The following ADGRL3 variants were observed in gnomAD, a reference collection of about 807,000 sequenced individuals.
ADGRL3 encodes calcium-independent alpha-latrotoxin receptor 3.
A neutral mutation model predicts 153.5 loss-of-function variants in ADGRL3; 62 were observed. That is an observed-to-expected ratio of 0.40 (90% CI 0.33 to 0.50). The LOEUF (loss-of-function observed/expected upper bound fraction) is 0.50, where lower values mean the gene tolerates loss of function less well. Among genes scored for constraint, ADGRL3 ranks in the 20% least tolerant of loss-of-function variants. The pLI, the probability that ADGRL3 is intolerant of heterozygous loss-of-function variation, is 0.47. For synonymous variants in ADGRL3, 710 were observed against 672.5 expected, an observed-to-expected ratio of 1.06 and a Z score of -0.86; for missense variants, 1,641 against 1,859.4, an observed-to-expected ratio of 0.88 and a Z score of 2.16.
chr4:61,460,942 C>T (rs565524549), intron 2 of ADGRL3, among the ~76,000 whole-genome samples: 69 of 152,154 alleles, frequency 4.5e-4, no homozygotes, highest in African/African-American at 1.6e-3. Flanking sequence ...CGGTGGCAGG[C>T]ACCTGTAATC....
At chr4:61,352,922 A>G (rs1259633543) in intron 1 of ADGRL3, among the ~76,000 whole-genome samples, 1 of 152,190 alleles carries the variant, frequency 6.6e-6, no homozygotes, top group African/African-American at 2.4e-5. Flanking sequence ...AGTGATAGAT[A>G]TGAATTGAAA....
At chr4:61,342,184 T>C (rs2095820290) in intron 1 of ADGRL3, among the ~76,000 whole-genome samples, 1 of 152,146 alleles carries the variant, frequency 6.6e-6, no homozygotes, top group Non-Finnish European at 1.5e-5. Context: ...TTTTTATGAT[T>C]CCTGGAGGCC....
At chr4:61,288,697 C>G (rs2094043647) in intron 1 of ADGRL3, among the ~76,000 whole-genome samples, 1 of 151,900 alleles carries the variant, frequency 6.6e-6, no homozygotes. Context: ...AGTTGTATGG[C>G]CAATGTTTCC....
At chr4:61,362,612 CA>C (rs2096305004) in intron 1 of ADGRL3, among the ~76,000 whole-genome samples, 14 of 152,034 alleles carry the variant, frequency 9.2e-5, no homozygotes, top group African/African-American at 3.4e-4. Context: ...TTAAGAAAAT[CA>C]TATGAAAGAG....
chr4:61,849,484 A>T (rs1400249218), intron 9 of ADGRL3, among the ~76,000 whole-genome samples: 12 of 149,124 alleles, frequency 8.0e-5, no homozygotes, highest in Admixed American at 2.0e-4. Flanking sequence ...ATATTTTTAT[A>T]TTTTTTTTTT....
chr4:61,386,280 A>G (rs575356373), intron 2 of ADGRL3, among the ~76,000 whole-genome samples: 2 of 152,268 alleles, frequency 1.3e-5, no homozygotes, highest in South Asian at 4.1e-4. Flanking sequence ...TTTCAGTTTC[A>G]TTATATAACA....
At chr4:61,820,976 T>A (rs1443393964) in intron 9 of ADGRL3, among the ~76,000 whole-genome samples, 2 of 152,148 alleles carry the variant, frequency 1.3e-5, no homozygotes, top group African/African-American at 4.8e-5. Context: ...TAAATCAGAA[T>A]CCTAAGCAGA....
chr4:61,386,108 T>C (rs2096732943), intron 2 of ADGRL3, among the ~76,000 whole-genome samples: 2 of 152,288 alleles, frequency 1.3e-5, no homozygotes, highest in Admixed American at 1.3e-4. Context: ...TTTATGGAAT[T>C]ACTATCATTT....
At chr4:61,349,832 A>G (rs2096003536) in intron 1 of ADGRL3, among the ~76,000 whole-genome samples, 1 of 152,156 alleles carries the variant, frequency 6.6e-6, no homozygotes, top group Non-Finnish European at 1.5e-5. Context: ...TCGCCCATAG[A>G]AAATATTTGT....
rs571332708 is a variant in ADGRL3 at position 61,992,758 on chromosome 4, C to T, written c.3237-3533C>T. Among the ~76,000 whole-genome samples, 4 of 152,210 alleles carry T rather than the reference C, an allele frequency of 2.6e-5. No individual in the cohort carries two copies. The South Asian group carries it at 8.3e-4, about 32-fold the overall frequency. On this transcript the variant is annotated intron_variant, in intron 19 of 26. Transcript: ENST00000683033. ...ATAAAAATAATCATTTTGAAATGCT[C>T]CTTTACATTTAGAAAAGATCACTAT...
chr4:61,744,887 G>A (rs2096633957), intron 8 of ADGRL3, among the ~76,000 whole-genome samples: 1 of 152,182 alleles, frequency 6.6e-6, no homozygotes, highest in South Asian at 2.1e-4. Flanking sequence ...TGAGTTGAGA[G>A]AAGAAGCCTT....
intron 1 of ADGRL3, among the ~76,000 whole-genome samples, chr4:61,264,465 A>G (rs2092726073): frequency 6.6e-6 from 1 of 152,028 alleles, no homozygotes; most frequent in Non-Finnish European, 1.5e-5. Context: ...TTTTTGACAT[A>G]TAGTAAGTGT....
At chr4:62,044,682 G>T in intron 25 of ADGRL3, 133 bp downstream of exon 25, 1 of 586,004 alleles carries the variant, frequency 1.7e-6, no homozygotes, top group Non-Finnish European at 3.0e-6. Context: ...AAACTTGGTT[G>T]AGTGTAGCAA....
intron 3 of ADGRL3, among the ~76,000 whole-genome samples, chr4:61,506,619 A>T (rs2098431280): frequency 6.6e-6 from 1 of 152,174 alleles, no homozygotes; most frequent in African/African-American, 2.4e-5. Flanking sequence ...TCTAAGCCCA[A>T]TAAAATAACC....
chr4:61,713,831 G>A (rs900463136), intron 6 of ADGRL3, among the ~76,000 whole-genome samples: 20 of 151,952 alleles, frequency 1.3e-4, no homozygotes, highest in African/African-American at 3.9e-4. Flanking sequence ...GGCTAACTTC[G>A]AATAAATGTT....
intron 23 of ADGRL3, among the ~76,000 whole-genome samples, chr4:62,037,040 ATAAAG>A (rs1418856020): frequency 6.6e-6 from 1 of 152,162 alleles, no homozygotes; most frequent in Non-Finnish European, 1.5e-5. Context: ...CAAGAATGCT[ATAAAG>A]TAATTATATT....
intron 9 of ADGRL3, among the ~76,000 whole-genome samples, chr4:61,821,971 G>T (rs149117274): frequency 2.0e-5 from 3 of 152,054 alleles, no homozygotes; most frequent in East Asian, 1.9e-4. Flanking sequence ...AAAAACAGTC[G>T]AAATTAACTA....
chr4:61,827,658 CATG>C (rs1223693350), intron 9 of ADGRL3, among the ~76,000 whole-genome samples: 1 of 152,140 alleles, frequency 6.6e-6, no homozygotes, highest in African/African-American at 2.4e-5. Flanking sequence ...GAAATAAAGA[CATG>C]GTGGATTCAG....
chr4:61,517,173 C>T (rs747153422), intron 3 of ADGRL3, 142 bp from the exon 4 acceptor site: 2 of 606,900 alleles, frequency 3.3e-6, no homozygotes, highest in Non-Finnish European at 5.9e-6. Context: ...GTAGGGTTGT[C>T]TGAGTAGGGC....
Sources: gnomAD v4.1 joint callset for allele counts (sites outside exome capture counted in the v4.1 genomes callset) on GRCh38, gnomAD v4.1.1 for gene constraint, MANE v1.5 for transcripts, NCBI Gene and HGNC (gene_info 2026-07-23, HGNC 2026-07-21) for gene names.